EMX2: variants seen among roughly 807,000 people sequenced by gnomAD.
EMX2 encodes the protein empty spiracles homeobox 2.
In EMX2, 6 loss-of-function variants were observed where a neutral mutation model predicts 23.0. The observed-to-expected ratio is 0.26, with a 90% confidence interval of 0.14 to 0.52. EMX2 has a LOEUF of 0.52. Among genes scored for constraint, EMX2 ranks in the 20% least tolerant of loss-of-function variants. EMX2 has a pLI of 0.97. For synonymous variants in EMX2, 175 were observed against 153.3 expected (o/e 1.14, Z -1.04); for missense variants, 302 against 341.4 (o/e 0.88, Z 0.91).
Position 117,548,938 on chromosome 10 carries a change from T to C in EMX2, c.*706T>C. 3.2e-6 allele frequency: 1 copy of C among 315,658 alleles called. No individual in the cohort carries two copies. Among genetic ancestry groups the C allele is most frequent in the Non-Finnish European group, 5.7e-6 (1 of 174,578 alleles). The allele number at this position is 315,658 out of a possible 1,614,324, so 19.6% of individuals were successfully genotyped here. A position where few individuals can be genotyped will look rare whatever the true frequency, so the allele number is the denominator to read the frequency against. On this transcript the variant is annotated 3_prime_UTR_variant, in exon 3 of 3. Transcript: ENST00000553456. The stretch of plus-strand genomic sequence containing the variant: ...CTGTGTGCTTTTTATTTTGATTTTT[T>C]TTCCCAAGAAATGTGCAGTCTGTAA...
chr10:117,548,126 G>A lies in EMX2; in HGVS notation c.653G>A (p.Gly218Asp), dbSNP rs200981903. ...KFKRQKLEEE[G>D]SDSQQKKKGT... ...AAAAGGCAGAAGCTGGAGGAAGAAG[G>A]CTCAGATTCGCAACAAAAGAAAAAA... Residue 218 changes from glycine (G) to aspartate (D), a missense_variant, in exon 3 of 3, where the codon GGC (glycine) becomes GAC (aspartate). Transcript: ENST00000553456. The A allele has an allele frequency of 1.3e-4, 211 of 1,613,698 alleles. No individual in the cohort carries two copies. The highest frequency in any genetic ancestry group is 2.0e-4 in the Admixed American group (12 of 59,954).
At position 117,548,328 on chromosome 10, in the gene EMX2, G is replaced by T; in HGVS notation, c.*96G>T. 2 of 1,499,758 alleles carry T rather than the reference G, an allele frequency of 1.3e-6. No individual in the cohort carries two copies. The highest frequency in any genetic ancestry group is 1.4e-5 in the African/African-American group (1 of 71,356). 92.9% of individuals were successfully genotyped at this position (1,499,758 alleles called of 1,614,324 possible). ...AAACCCTACAAAACAAAAACAAACC[G>T]CATACACGTTCACCGAGAAAGGGAG... is the stretch of plus-strand genomic sequence containing the variant. On this transcript the variant is annotated 3_prime_UTR_variant, in exon 3 of 3. Transcript: ENST00000553456.
In EMX2 at chr10:117,549,433, T is replaced by C. The variant is rs41284394; in HGVS notation, c.*1201T>C. Reference sequence around the variant, plus strand: ...TTCCTTAATGTCTTCTATACCAGAATGTAAATATTTTTGTGTTTTGTGTTA... The same window carrying C: ...TTCCTTAATGTCTTCTATACCAGAACGTAAATATTTTTGTGTTTTGTGTTA... On this transcript the variant is annotated 3_prime_UTR_variant, in exon 3 of 3. Transcript: ENST00000553456. 0.026 allele frequency: 3,913 copies of C among 152,768 alleles called. 51 individuals are homozygous for C. Among genetic ancestry groups the C allele is most frequent in the Middle Eastern group, 0.048 (14 of 294 alleles). The allele number at this position is 152,768 out of a possible 1,614,324, so 9.5% of individuals were successfully genotyped here.
intron 2 of EMX2, among the ~76,000 whole-genome samples, chr10:117,546,542 A>C (rs1251578445): frequency 6.6e-6 from 1 of 152,202 alleles, no homozygotes; most frequent in Non-Finnish European, 1.5e-5. Context: ...AAGTTGTAAC[A>C]CTTTTCCTGG....
intron 2 of EMX2, 112 bp from the exon 3 acceptor site, chr10:117,547,953 C>T: frequency 6.9e-7 from 1 of 1,459,318 alleles, no homozygotes; most frequent in Non-Finnish European, 9.3e-7. Flanking sequence ...ATCTCGGGGG[C>T]TGGGTCTTTG....
In EMX2 at chr10:117,548,823, AT is replaced by A. The variant is rs1846618751; in HGVS notation, c.*592del. 7.5e-6 allele frequency: 3 copies of A among 399,882 alleles called. No individual in the cohort carries two copies. Among genetic ancestry groups the A allele is most frequent in the Non-Finnish European group, 1.3e-5 (3 of 227,290 alleles). 24.8% of individuals were successfully genotyped at this position (399,882 alleles called of 1,614,324 possible). On this transcript the variant is annotated 3_prime_UTR_variant, in exon 3 of 3. Transcript: ENST00000553456. ...TAGCCCCATCCCACACCTGTTTCAA[AT>A]CCTTGAAATGCATGTAGCAGTTGTT...
chr10:117,544,982 C>T (rs2133969009), intron 1 of EMX2: 1 of 152,228 alleles, frequency 6.6e-6, no homozygotes, highest in Admixed American at 6.5e-5. Context: ...GTTTCGATCC[C>T]TTCGCTCGCG....
At position 117,548,231 on chromosome 10, in the gene EMX2, A is replaced by G; in HGVS notation, c.758A>G (p.Ter253=). 1 of 1,613,780 alleles carries G rather than the reference A, an allele frequency of 6.2e-7. No homozygotes were observed. The highest frequency in any genetic ancestry group is 8.5e-7 in the Non-Finnish European group (1 of 1,179,842). The change falls in exon 3 of 3, where the codon TAA becomes TGA. Residue 253 remains the stop codon, a stop_retained_variant. Transcript: ENST00000553456. ...GAAATAGACGTGACCTCAGATGATT[A>G]AAAACATAAACCTAACCCCACAGAA... is the stretch of plus-strand genomic sequence containing the variant. ...PEEIDVTSDD[*] is the part of the protein sequence containing the mutation.
At chr10:117,546,920 C>A (rs1589649833) in intron 2 of EMX2, among the ~76,000 whole-genome samples, 1 of 152,374 alleles carries the variant, frequency 6.6e-6, no homozygotes, top group East Asian at 1.9e-4. Context: ...GGCCTGCGGC[C>A]TCAAAGGAGG....
Position 117,542,844 on chromosome 10 carries a change from T to G in EMX2, c.-424T>G, listed in dbSNP as rs1227996579. On this transcript the variant is annotated 5_prime_UTR_variant, in exon 1 of 3. Coordinates refer to ENST00000553456, the MANE Select transcript of EMX2 (RefSeq NM_004098.4). ...AGGAGAAAAAACTTTTTTTTTTTTT[T>G]GCCTCCCCCGAGAACTTTCCCCCCT... 2 of 125,068 alleles carry G rather than the reference T, an allele frequency of 1.6e-5. No homozygotes were observed. The highest frequency in any genetic ancestry group is 3.3e-5 in the Non-Finnish European group (2 of 60,462). 7.7% of individuals were successfully genotyped at this position (125,068 alleles called of 1,614,324 possible).
At chr10:117,548,004 G>A in intron 2 of EMX2, 61 bp from the exon 3 acceptor site, 4 of 1,557,090 alleles carry the variant, frequency 2.6e-6, no homozygotes, top group Non-Finnish European at 3.5e-6. Flanking sequence ...GAAAGGATCA[G>A]GCACTTGATA....
chr10:117,548,019 G>A, intron 2 of EMX2, 46 bp from the exon 3 acceptor site: 6 of 1,575,284 alleles, frequency 3.8e-6, no homozygotes. Flanking sequence ...TTGATAGAAG[G>A]GTGCTCTGAA....
At chr10:117,544,298 G>C (rs376413768) in intron 1 of EMX2, 1 of 153,250 alleles carries the variant, frequency 6.5e-6, no homozygotes, top group African/African-American at 2.4e-5. Context: ...TGGCGCTCTC[G>C]CCGCGACCTG....
At position 117,548,707 on chromosome 10, in the gene EMX2, C is replaced by T; in HGVS notation, c.*475C>T. 2.4e-6 allele frequency: 1 copy of T among 413,596 alleles called. No homozygotes were observed. The highest frequency in any genetic ancestry group is 4.3e-6 in the Non-Finnish European group (1 of 234,568). 25.6% of individuals were successfully genotyped at this position (413,596 alleles called of 1,614,324 possible). A position where few individuals can be genotyped will look rare whatever the true frequency, so the allele number is the denominator to read the frequency against. On this transcript the variant is annotated 3_prime_UTR_variant, in exon 3 of 3. Transcript: ENST00000553456. Reference sequence around the variant, plus strand: ...ATGATGATAAAAACCACGACCCAACCAGGCACAGGACTTTTTTGTTTTTTG... The same window carrying T: ...ATGATGATAAAAACCACGACCCAACTAGGCACAGGACTTTTTTGTTTTTTG...
Position 117,548,660 on chromosome 10 carries a change from A to G in EMX2, c.*428A>G. ...ATGATTGGCAGGTATTCCGTTTATC[A>G]CAGTCCACTTAAAAAATGATGATGA... On this transcript the variant is annotated 3_prime_UTR_variant, in exon 3 of 3. Coordinates refer to ENST00000553456, the MANE Select transcript of EMX2 (RefSeq NM_004098.4). The G allele has an allele frequency of 2.3e-6, 1 of 425,742 alleles. No individual in the cohort carries two copies. Among genetic ancestry groups the G allele is most frequent in the Non-Finnish European group, 4.1e-6 (1 of 241,920 alleles). The allele number at this position is 425,742 out of a possible 1,614,324, so 26.4% of individuals were successfully genotyped here.
At chr10:117,547,658 A>C (rs925936545) in intron 2 of EMX2, among the ~76,000 whole-genome samples, 3 of 152,136 alleles carry the variant, frequency 2.0e-5, no homozygotes, top group Non-Finnish European at 2.9e-5. Context: ...TCTCTCTTGC[A>C]CTCGCTTGCT....
chr10:117,545,599 C>T (rs776683811), intron 1 of EMX2, 33 bp from the exon 2 acceptor site: 1 of 1,612,980 alleles, frequency 6.2e-7, no homozygotes, highest in Non-Finnish European at 8.5e-7. Context: ...AGAGCAGCCC[C>T]CCCTAATGGG....
In EMX2 at chr10:117,548,208, A is replaced by G; in HGVS notation, c.735A>G (p.Glu245=). The G allele has an allele frequency of 1.2e-6, 2 of 1,613,992 alleles. No individual in the cohort carries two copies. Among genetic ancestry groups the G allele is most frequent in the South Asian group, 2.2e-5 (2 of 91,040 alleles). The part of the protein sequence containing the change: ...RIATKQASPE[E]IDVTSDD ...CCACCAAGCAGGCGAGTCCGGAGGA[A>G]ATAGACGTGACCTCAGATGATTAAA... The change falls in exon 3 of 3, where the codon GAA becomes GAG. Residue 245 remains glutamate (E), a synonymous_variant. Coordinates refer to ENST00000553456, the MANE Select transcript of EMX2 (RefSeq NM_004098.4).
rs1846513088 is a variant in EMX2, at chr10:117,542,964, A to C, written c.-304A>C. ...AAAAAAAAAGAAAAAAAAAGAAAAAAAATTACCCCAATCCACGCCTGCAAA... is the reference window on the plus strand; with the variant it reads ...AAAAAAAAAGAAAAAAAAAGAAAAACAATTACCCCAATCCACGCCTGCAAA... On this transcript the variant is annotated 5_prime_UTR_variant, in exon 1 of 3. Transcript: ENST00000553456. 1 of 303,534 alleles carries C rather than the reference A, an allele frequency of 3.3e-6. No homozygotes were observed. The highest frequency in any genetic ancestry group is 1.6e-4 in the South Asian group (1 of 6,218). 18.8% of individuals were successfully genotyped at this position (303,534 alleles called of 1,614,324 possible).
Sources: gnomAD v4.1 joint callset for allele counts (sites outside exome capture counted in the v4.1 genomes callset) on GRCh38, gnomAD v4.1.1 for gene constraint, MANE v1.5 for transcripts, NCBI Gene and HGNC (gene_info 2026-07-23, HGNC 2026-07-21) for gene names.